The following TNKS variants were observed in gnomAD, a reference collection of about 807,000 sequenced individuals.
TNKS encodes the protein tankyrase.
Under a neutral mutation model 135.8 loss-of-function variants are expected in TNKS, and 72 were observed. That is an observed-to-expected ratio of 0.53 (90% CI 0.44 to 0.64). TNKS has a LOEUF of 0.64. Among genes scored for constraint, TNKS ranks in the 30% least tolerant of loss-of-function variants. TNKS has a pLI of 0.00. For missense variants in TNKS, 1,769 were observed against 1,674.0 expected (o/e 1.06, Z -0.99); for synonymous variants, 849 against 649.3 (o/e 1.31, Z -4.68).
rs548022336 is a variant in TNKS, at chr8:9,704,444, A to G, written c.1108-219A>G. Among the ~76,000 whole-genome samples the G allele has an allele frequency of 1.8e-4, 27 of 152,282 alleles. No individual in the cohort carries two copies. In the South Asian group the frequency reaches 3.9e-3, roughly 22 times the overall value. The stretch of plus-strand genomic sequence containing the variant: ...GTAAGGTTTGATTACTGATGGCCTT[A>G]AAAAAACAAGTAAGTGAAATAGGTG... On this transcript the variant is annotated intron_variant, in intron 5 of 26. Transcript: ENST00000310430.
chr8:9,733,532 T>C (rs1185099531), intron 15 of TNKS, 88 bp downstream of exon 15: 3 of 1,111,886 alleles, frequency 2.7e-6, no homozygotes, highest in East Asian at 2.6e-5. Context: ...TGTTATTCTA[T>C]TAAGAACAAT....
At chr8:9,689,738 A>G (rs1221643346) in intron 5 of TNKS, among the ~76,000 whole-genome samples, 3 of 152,216 alleles carry the variant, frequency 2.0e-5, no homozygotes, top group Non-Finnish European at 4.4e-5. Context: ...AGGTGACAGC[A>G]TATCTGCAGA....
rs528402812 is a variant in TNKS, at chr8:9,640,169, C to G, written c.994+24492C>G. Among the ~76,000 whole-genome samples the G allele has an allele frequency of 5.2e-4, 79 of 152,262 alleles. 1 individual carries two copies. The highest frequency in any genetic ancestry group is 1.8e-3 in the African/African-American group (73 of 41,550). On this transcript the variant is annotated intron_variant, in intron 3 of 26. Transcript: ENST00000310430. ...TGTTGCTGTAACAGTATACCATAGACTGGGTGATTTATAAAGAAAAGAATT... is the reference window on the plus strand; with the variant it reads ...TGTTGCTGTAACAGTATACCATAGAGTGGGTGATTTATAAAGAAAAGAATT...
intron 3 of TNKS, among the ~76,000 whole-genome samples, chr8:9,645,490 C>T (rs189577336): frequency 1.1e-4 from 17 of 152,208 alleles, no homozygotes; most frequent in East Asian, 5.8e-4. Flanking sequence ...GAAAGAGACA[C>T]GAGCCCCATA....
At chr8:9,617,254 A>T (rs1661989911) in intron 3 of TNKS, among the ~76,000 whole-genome samples, 1 of 152,152 alleles carries the variant, frequency 6.6e-6, no homozygotes, top group Non-Finnish European at 1.5e-5. Context: ...ACTTGTGGAG[A>T]CACAAGATTC....
intron 26 of TNKS, among the ~76,000 whole-genome samples, chr8:9,772,689 G>GTACT (rs1400107075): frequency 6.6e-6 from 1 of 151,980 alleles, no homozygotes; most frequent in Non-Finnish European, 1.5e-5. Flanking sequence ...GGTTGATTCT[G>GTACT]TACTTACGTA....
At chr8:9,773,951 C>T (rs1195660717) in intron 26 of TNKS, among the ~76,000 whole-genome samples, 1 of 152,100 alleles carries the variant, frequency 6.6e-6, no homozygotes, top group African/African-American at 2.4e-5. Flanking sequence ...TCATCTTTCA[C>T]TCTTAATGTT....
intron 3 of TNKS, among the ~76,000 whole-genome samples, chr8:9,660,983 G>A (rs146759533): frequency 0.82 from 117,516 of 142,538 alleles, 49,234 homozygotes; most frequent in Middle Eastern, 0.89. Flanking sequence ...CCCATTCACA[G>A]TTGCTTCAAA....
At chr8:9,657,595 C>G (rs1447443587) in intron 3 of TNKS, among the ~76,000 whole-genome samples, 2 of 83,190 alleles carry the variant, frequency 2.4e-5, no homozygotes, top group African/African-American at 9.2e-5. Context: ...GCTGGCCGGG[C>G]GGAGGGCTGA....
chr8:9,743,172 C>T (rs1261846175), intron 17 of TNKS, among the ~76,000 whole-genome samples: 1 of 152,192 alleles, frequency 6.6e-6, no homozygotes, highest in Non-Finnish European at 1.5e-5. Context: ...ATCTGGAATA[C>T]AGCTTCTATT....
At chr8:9,757,137 C>T (rs759384236) in intron 20 of TNKS, among the ~76,000 whole-genome samples, 8 of 152,034 alleles carry the variant, frequency 5.3e-5, no homozygotes, top group South Asian at 2.1e-4. Flanking sequence ...CCACCATACC[C>T]GGCTAATTTT....
chr8:9,647,414 A>AT (rs1190762262), intron 3 of TNKS, among the ~76,000 whole-genome samples: 17 of 152,220 alleles, frequency 1.1e-4, no homozygotes, highest in African/African-American at 3.9e-4. Context: ...GTGAAATTGA[A>AT]TAAGATCATT....
intron 3 of TNKS, among the ~76,000 whole-genome samples, chr8:9,678,267 A>G (rs930834098): frequency 1.3e-5 from 2 of 152,112 alleles, no homozygotes; most frequent in Admixed American, 1.3e-4. Context: ...GGGTTATGCC[A>G]TTTTCCTCAC....
intron 5 of TNKS, among the ~76,000 whole-genome samples, chr8:9,700,080 T>C (rs1803722453): frequency 6.6e-6 from 1 of 152,134 alleles, no homozygotes. Flanking sequence ...CCTGGCCCCG[T>C]TTCCCTCTGC....
At chr8:9,751,556 A>G (rs1806532681) in intron 18 of TNKS, 53 bp from the exon 19 acceptor site, 21 of 1,519,418 alleles carry the variant, frequency 1.4e-5, no homozygotes, top group Non-Finnish European at 1.8e-5. Context: ...TGAAAAACTT[A>G]CCATTTTAAT....
intron 2 of TNKS, among the ~76,000 whole-genome samples, chr8:9,589,674 A>G (rs150967562): frequency 1.4e-3 from 207 of 152,366 alleles, no homozygotes; most frequent in African/African-American, 4.8e-3. Context: ...ACCACTATAC[A>G]TAGGAATCTA....
intron 3 of TNKS, among the ~76,000 whole-genome samples, chr8:9,666,547 C>T (rs557820932): frequency 6.6e-6 from 1 of 151,976 alleles, no homozygotes; most frequent in South Asian, 2.1e-4. Flanking sequence ...TGGTGAAACC[C>T]CGTCTCTACT....
intron 5 of TNKS, among the ~76,000 whole-genome samples, chr8:9,692,790 G>A (rs1803339136): frequency 6.6e-6 from 1 of 152,058 alleles, no homozygotes; most frequent in African/African-American, 2.4e-5. Context: ...TCATTCTAGT[G>A]TTCCAAAAGT....
intron 1 of TNKS, chr8:9,558,977 A>C: frequency 6.6e-6 from 1 of 152,206 alleles, no homozygotes; most frequent in East Asian, 1.9e-4. Flanking sequence ...TTGAATTGTC[A>C]CGGAATAGCT....
Sources: gnomAD v4.1 joint callset for allele counts (sites outside exome capture counted in the v4.1 genomes callset) on GRCh38, gnomAD v4.1.1 for gene constraint, MANE v1.5 for transcripts, NCBI Gene and HGNC (gene_info 2026-07-23, HGNC 2026-07-21) for gene names.